Variants in PIEZO2 observed in about 807,000 individuals in gnomAD.
PIEZO2 encodes piezo-type mechanosensitive ion channel component 2.
A neutral mutation model predicts 337.3 loss-of-function variants in PIEZO2; 172 were observed. The observed-to-expected ratio is 0.51, with a 90% confidence interval of 0.45 to 0.58. PIEZO2 has a LOEUF of 0.58. Among genes scored for constraint, PIEZO2 ranks in the 20% least tolerant of loss-of-function variants. PIEZO2 has a pLI of 0.00. For synonymous variants in PIEZO2, 1,251 were observed against 1,228.5 expected (o/e 1.02, Z -0.38); for missense variants, 3,028 against 3,391.3 (o/e 0.89, Z 2.66).
chr18:10,970,089 T>C (rs559569554), intron 3 of PIEZO2, among the ~76,000 whole-genome samples: 1 of 152,270 alleles, frequency 6.6e-6, no homozygotes, highest in Non-Finnish European at 1.5e-5. Flanking sequence ...TCACTCAACA[T>C]TAAAAGTTTA....
intron 36 of PIEZO2, among the ~76,000 whole-genome samples, chr18:10,720,394 T>A (rs2036230659): frequency 4.1e-5 from 1 of 24,106 alleles, no homozygotes; most frequent in African/African-American, 1.0e-4. Flanking sequence ...TGTGTGTGTG[T>A]GTGTGTGTGT....
At position 10,784,844 on chromosome 18, in the gene PIEZO2, C is replaced by G; in HGVS notation, c.2432G>C (p.Arg811Pro). The G allele has an allele frequency of 3.3e-6, 5 of 1,537,538 alleles. No homozygotes were observed. Among genetic ancestry groups the G allele is most frequent in the Non-Finnish European group, 4.4e-6 (5 of 1,146,900 alleles). ...CTTGAGGTCTGTGAGTTCAAGGAAC[C>G]GGTCATGGAAGTAGTGCAGGTGTAA... ...CILHLHYFHD[R>P]FLELTDLKSI... is the part of the protein sequence containing the mutation. The change falls in exon 17 of 56, where the codon CGG (arginine) becomes CCG (proline). Residue 811 changes from arginine to proline, a missense_variant. This residue lies in a region of PIEZO2 where 1,925 missense variants were observed against 2,051.9 expected (regional missense o/e 0.94). Coordinates refer to ENST00000674853, the MANE Select transcript of PIEZO2 (RefSeq NM_001378183.1). This position sits in a 1 kb window ranked among gnomAD's most constrained non-coding sequence, Gnocchi z 4.5.
At chr18:10,843,842 T>C (rs370100517) in intron 7 of PIEZO2, among the ~76,000 whole-genome samples, 21 of 152,300 alleles carry the variant, frequency 1.4e-4, no homozygotes, top group African/African-American at 4.8e-4. Flanking sequence ...TCCAGACCAA[T>C]GGGCTACCTC....
chr18:10,848,629 AAAC>A (rs748764228), intron 7 of PIEZO2, among the ~76,000 whole-genome samples: 28 of 152,336 alleles, frequency 1.8e-4, no homozygotes, highest in Non-Finnish European at 3.2e-4. Flanking sequence ...AAAAGCAGCA[AAAC>A]AACAAACTGA....
intron 27 of PIEZO2, among the ~76,000 whole-genome samples, chr18:10,754,504 TA>T (rs1159641933): frequency 2.6e-5 from 4 of 152,214 alleles, no homozygotes; most frequent in African/African-American, 9.6e-5. Flanking sequence ...TTGAAATAAC[TA>T]AAACAAAAAT....
At position 10,727,040 on chromosome 18, in the gene PIEZO2, C is replaced by G; in HGVS notation, c.5029+4367G>C. 1 of 656,414 alleles carries G rather than the reference C, an allele frequency of 1.5e-6. No homozygotes were observed. The highest frequency in any genetic ancestry group is 2.4e-6 in the Non-Finnish European group (1 of 409,656). 40.7% of individuals were successfully genotyped at this position (656,414 alleles called of 1,614,324 possible). On this transcript the variant is annotated intron_variant, in intron 36 of 55. Transcript: ENST00000674853. This position sits in a 1 kb window ranked among gnomAD's most constrained non-coding sequence, Gnocchi z 6.3. ...CTGTGCTTCCACGGTCTGGGTGTTT[C>G]TTGGGGGGTGTTGGGAGGGCAGGAG...
At chr18:10,886,190 C>T (rs754550172) in intron 4 of PIEZO2, among the ~76,000 whole-genome samples, 11 of 148,514 alleles carry the variant, frequency 7.4e-5, no homozygotes, top group South Asian at 6.5e-4. Flanking sequence ...GTGCATTTTG[C>T]GCATTTGTGT....
chr18:10,733,365 A>G (rs1454255728), intron 35 of PIEZO2, among the ~76,000 whole-genome samples: 2 of 152,154 alleles, frequency 1.3e-5, no homozygotes, highest in African/African-American at 4.8e-5. Context: ...AGAGGGTCAG[A>G]AAAACGTTGA....
At chr18:10,700,447 A>G (rs2035283427) in intron 43 of PIEZO2, among the ~76,000 whole-genome samples, 2 of 151,900 alleles carry the variant, frequency 1.3e-5, no homozygotes, top group Non-Finnish European at 2.9e-5. Flanking sequence ...TAATGCCATT[A>G]CCTCAAATCT....
At chr18:10,782,283 ATATAAT>A (rs2039021039) in intron 17 of PIEZO2, among the ~76,000 whole-genome samples, 2 of 30,312 alleles carry the variant, frequency 6.6e-5, no homozygotes, top group Non-Finnish European at 7.0e-5. Context: ...CAATTATATA[ATATAAT>A]TATAATTATA....
intron 7 of PIEZO2, among the ~76,000 whole-genome samples, chr18:10,823,515 A>C (rs1451543452): frequency 1.3e-5 from 2 of 152,248 alleles, no homozygotes; most frequent in Non-Finnish European, 2.9e-5. Context: ...AAAAGAATCA[A>C]AGCTGCACAT....
intron 1 of PIEZO2, among the ~76,000 whole-genome samples, chr18:11,140,007 C>A (rs922118110): frequency 2.6e-5 from 4 of 152,146 alleles, no homozygotes; most frequent in African/African-American, 9.7e-5. Context: ...TGGCAATGCA[C>A]CCACCTGGTC....
rs543462020 is a variant in PIEZO2, at chr18:11,130,286, G to A, written c.64+18239C>T. Among the ~76,000 whole-genome samples, 201 of 152,368 alleles carry A rather than the reference G, an allele frequency of 1.3e-3. 1 individual carries two copies. The Middle Eastern group carries it at 0.014, about 10-fold the overall frequency. ...TCCAACTGCAGCTGCTGTACCAGAT[G>A]TGGTTTCATTGCTTGAGCAAATTAA... On this transcript the variant is annotated intron_variant, in intron 1 of 55. Coordinates refer to ENST00000674853, the MANE Select transcript of PIEZO2 (RefSeq NM_001378183.1).
At position 11,033,397 on chromosome 18, in the gene PIEZO2, C is replaced by A. The variant is rs543085367; in HGVS notation, c.160+32730G>T. Among the ~76,000 whole-genome samples the A allele has an allele frequency of 2.6e-5, 4 of 152,322 alleles. No homozygotes were observed. The South Asian group carries it at 6.2e-4, about 24-fold the overall frequency. Reference sequence around the variant, plus strand: ...CTCCTGCCCACCTAAGGCAGACACGCCCCTGGATTTGTGTGAACATTCTAT... The same window carrying A: ...CTCCTGCCCACCTAAGGCAGACACGACCCTGGATTTGTGTGAACATTCTAT... On this transcript the variant is annotated intron_variant, in intron 2 of 55. Coordinates refer to ENST00000674853, the MANE Select transcript of PIEZO2 (RefSeq NM_001378183.1). The surrounding 1 kb of genome is among the most constrained non-coding windows in gnomAD (Gnocchi z 4.2).
chr18:11,081,725 C>T (rs1669073199), intron 1 of PIEZO2, among the ~76,000 whole-genome samples: 2 of 151,672 alleles, frequency 1.3e-5, no homozygotes, highest in African/African-American at 4.8e-5. Flanking sequence ...TTCCCACTGG[C>T]CATTTGAAAG....
Position 10,911,919 on chromosome 18 carries a change from G to A in PIEZO2, c.287-691C>T, listed in dbSNP as rs1014205935. On this transcript the variant is annotated intron_variant, in intron 3 of 55. Transcript: ENST00000674853. ...ATATGGTGGAACTCTCCTGTTAAAC[G>A]TAATCAAACAGCTGTACGTTCTAAA... is the stretch of plus-strand genomic sequence containing the variant. Among the ~76,000 whole-genome samples the A allele has an allele frequency of 1.4e-4, 22 of 152,260 alleles. No homozygotes were observed. The East Asian group carries it at 1.5e-3, about 11-fold the overall frequency.
rs2037333368 is a variant in PIEZO2, at chr18:10,744,164, A to T, written c.4492T>A (p.Ser1498Thr). 3 of 1,536,640 alleles carry T rather than the reference A, an allele frequency of 2.0e-6. No homozygotes were observed. The highest frequency in any genetic ancestry group is 2.6e-6 in the Non-Finnish European group (3 of 1,146,430). ...TACTGTCGCTTCAGCTGGTCCATGGACTTCTTCTCTTCCTCAATTCTTGCC... is the reference window on the plus strand; with the variant it reads ...TACTGTCGCTTCAGCTGGTCCATGGTCTTCTTCTCTTCCTCAATTCTTGCC... ...VKARIEEEKKSMDQLKRQMDR... is the reference protein window; with the variant it reads ...VKARIEEEKKTMDQLKRQMDR... The change falls in exon 31 of 56, where the codon TCC (serine) becomes ACC (threonine). Residue 1498 changes from serine to threonine, a missense_variant. By Grantham distance (58) the Ser-to-Thr change is moderately conservative. Coordinates refer to ENST00000674853, the MANE Select transcript of PIEZO2 (RefSeq NM_001378183.1).
At chr18:10,756,863 A>C (rs1217340794) in intron 27 of PIEZO2, among the ~76,000 whole-genome samples, 1 of 148,354 alleles carries the variant, frequency 6.7e-6, no homozygotes, top group Non-Finnish European at 1.5e-5. Flanking sequence ...GATGAGAATG[A>C]GGGATGGAGA....
At position 10,834,046 on chromosome 18, in the gene PIEZO2, T is replaced by C. The variant is rs2040930707; in HGVS notation, c.917+21307A>G. On this transcript the variant is annotated intron_variant, in intron 7 of 55. Transcript: ENST00000674853. This position sits in a 1 kb window ranked among gnomAD's most constrained non-coding sequence, Gnocchi z 4.5. ...TTTTTATTTTTTATGGGTAAGTGTATATGGGGCACAGGTGATGTTTTGATA... is the reference window on the plus strand; with the variant it reads ...TTTTTATTTTTTATGGGTAAGTGTACATGGGGCACAGGTGATGTTTTGATA... Among the ~76,000 whole-genome samples, 2 of 152,248 alleles carry C rather than the reference T, an allele frequency of 1.3e-5. No homozygotes were observed. The highest frequency in any genetic ancestry group is 4.1e-4 in the South Asian group (2 of 4,830).
Sources: gnomAD v4.1 joint callset for allele counts (sites outside exome capture counted in the v4.1 genomes callset) on GRCh38, gnomAD v4.1.1 for gene constraint, gnomAD v4.1.1 regional missense constraint, Gnocchi (gnomAD v3.1) non-coding constraint, MANE v1.5 for transcripts, NCBI Gene and HGNC (gene_info 2026-07-23, HGNC 2026-07-21) for gene names.